The following NPR2 variants were observed in gnomAD, a reference collection of about 807,000 sequenced individuals.
NPR2 encodes natriuretic peptide receptor 2.
A neutral mutation model predicts 120.7 loss-of-function variants in NPR2; 49 were observed. That is an observed-to-expected ratio of 0.41 (90% CI 0.32 to 0.52). The LOEUF is 0.52. NPR2 is among the 20% of genes least tolerant of loss of function. The pLI is 0.36. For missense variants in NPR2, 931 were observed against 1,362.9 expected (o/e 0.68, Z 4.99); for synonymous variants, 484 against 519.8 (o/e 0.93, Z 0.94).
Position 35,792,598 on chromosome 9 carries a change from C to T in NPR2, c.190C>T (p.Leu64=), listed in dbSNP as rs1588050194. The T allele has an allele frequency of 6.8e-6, 11 of 1,613,602 alleles. 1 individual carries two copies. In the Middle Eastern group the frequency reaches 4.9e-4, roughly 73 times the overall value. Reference sequence around the variant, plus strand: ...TCTGGGCCGGGCACTGCCCGTGGACCTGCGGTTTGTCAGCTCCGAACTGGA... The same window carrying T: ...TCTGGGCCGGGCACTGCCCGTGGACTTGCGGTTTGTCAGCTCCGAACTGGA... ...EALGRALPVD[L]RFVSSELEGA... Residue 64 remains leucine, a synonymous_variant, in exon 1 of 22, where the codon CTG becomes TTG. Coordinates refer to ENST00000342694, the MANE Select transcript of NPR2 (RefSeq NM_003995.4).
rs1828332606 is a variant in NPR2, at chr9:35,805,463, T to C, written c.1888-48T>C. The C allele has an allele frequency of 6.3e-7, 1 of 1,598,062 alleles. No individual in the cohort carries two copies. The highest frequency in any genetic ancestry group is 8.6e-7 in the Non-Finnish European group (1 of 1,165,360). On this transcript the variant is annotated intron_variant, in intron 12 of 21. Coordinates refer to ENST00000342694, the MANE Select transcript of NPR2 (RefSeq NM_003995.4). This position sits in a 1 kb window ranked among gnomAD's most constrained non-coding sequence, Gnocchi z 4.9. ...TGCCCATCTCATGGAGAGAGGGTATTCTAAGCCAGATATGATCCAATCCCA... is the reference window on the plus strand; with the variant it reads ...TGCCCATCTCATGGAGAGAGGGTATCCTAAGCCAGATATGATCCAATCCCA...
chr9:35,796,924 A>G (rs925801819), intron 2 of NPR2, among the ~76,000 whole-genome samples: 3 of 152,206 alleles, frequency 2.0e-5, no homozygotes, highest in Non-Finnish European at 4.4e-5. Context: ...AAAGGTGGCA[A>G]TAGAGGAAAG....
rs1253092255 is a variant in NPR2 at position 35,805,363 on chromosome 9, T to C, written c.1888-148T>C. 1.3e-6 allele frequency: 1 copy of C among 788,668 alleles called. No homozygotes were observed. Among genetic ancestry groups the C allele is most frequent in the East Asian group, 2.5e-5 (1 of 39,372 alleles). 48.9% of individuals were successfully genotyped at this position (788,668 alleles called of 1,614,324 possible). ...CTTCTGTTCTTCCTGCTTCCTTGGG[T>C]GGAAACTGCAAAGGATGCCTTCCAA... On this transcript the variant is annotated intron_variant, in intron 12 of 21. Transcript: ENST00000342694. The surrounding 1 kb of genome is among the most constrained non-coding windows in gnomAD (Gnocchi z 4.9).
chr9:35,801,836 G>A, intron 8 of NPR2, 73 bp downstream of exon 8: 2 of 1,609,596 alleles, frequency 1.2e-6, no homozygotes, highest in Non-Finnish European at 8.5e-7. Flanking sequence ...ATCTCTCCCA[G>A]CACATTGGCT....
Position 35,808,757 on chromosome 9 carries a change from C to T in NPR2, c.2890C>T (p.Pro964Ser). Residue 964 changes from proline (P) to serine (S), a missense_variant and splice_region_variant, in exon 20 of 22, where the codon CCA becomes TCA. This residue lies in a region of NPR2 where 184 missense variants were observed against 328.3 expected (regional missense o/e 0.56). Transcript: ENST00000342694. The surrounding 1 kb of genome is among the most constrained non-coding windows in gnomAD (Gnocchi z 4.0). ...LRLRIGVHTG[P>S]VCAGVVGLKM... Reference sequence around the variant, plus strand: ...TCCCAACCTGTTTCTTCTCAAAGGGCCAGTCTGTGCTGGGGTTGTTGGCCT... The same window carrying T: ...TCCCAACCTGTTTCTTCTCAAAGGGTCAGTCTGTGCTGGGGTTGTTGGCCT... The T allele has an allele frequency of 1.2e-6, 2 of 1,612,772 alleles. No homozygotes were observed. Among genetic ancestry groups the T allele is most frequent in the Non-Finnish European group, 1.7e-6 (2 of 1,178,706 alleles).
rs770808236 is a variant in NPR2, at chr9:35,793,931, A to T, written c.701A>T (p.His234Leu). Residue 234 changes from histidine (H) to leucine (L), a missense_variant, in exon 2 of 22, where the codon CAT becomes CTT. By Grantham distance (99) the His-to-Leu change is moderately conservative. Around this residue, in one of 3 missense-constraint regions of NPR2, gnomAD observed 681 missense variants for 974.3 expected, o/e 0.70. Coordinates refer to ENST00000342694, the MANE Select transcript of NPR2 (RefSeq NM_003995.4). ...ATCTGCGGCCCTCTGGAGATGCTGC[A>T]TGAGATCCTGCTTCAGGCCCAGAGG... ...VYICGPLEML[H>L]EILLQAQREN... 1 of 1,614,190 alleles carries T rather than the reference A, an allele frequency of 6.2e-7. No individual in the cohort carries two copies. Among genetic ancestry groups the T allele is most frequent in the Admixed American group, 1.7e-5 (1 of 60,030 alleles).
chr9:35,792,027 A>T lies in NPR2; in HGVS notation c.-382A>T. 1 of 134,336 alleles carries T rather than the reference A, an allele frequency of 7.4e-6. No individual in the cohort carries two copies. Among genetic ancestry groups the T allele is most frequent in the Non-Finnish European group, 1.6e-5 (1 of 63,044 alleles). The allele number at this position is 134,336 out of a possible 1,614,324, so 8.3% of individuals were successfully genotyped here. A position where few individuals can be genotyped will look rare whatever the true frequency, so the allele number is the denominator to read the frequency against. ...AGGTTCCCCCAGGCCGTTTCTTTGT[A>T]CCACCCGCCCCCCACCCCCACCCCA... On this transcript the variant is annotated 5_prime_UTR_variant, in exon 1 of 22. Transcript: ENST00000342694.
At position 35,808,367 on chromosome 9, in the gene NPR2, C is replaced by A; in HGVS notation, c.2713-142C>A. On this transcript the variant is annotated intron_variant, in intron 18 of 21. Transcript: ENST00000342694. The surrounding 1 kb of genome is among the most constrained non-coding windows in gnomAD (Gnocchi z 4.0). ...CATCTCCTCTCCCCTAGACTCAGGACCATGGCACTTATTTTCTAGTCAATA... is the reference window on the plus strand; with the variant it reads ...CATCTCCTCTCCCCTAGACTCAGGAACATGGCACTTATTTTCTAGTCAATA... 2.1e-6 allele frequency: 3 copies of A among 1,412,748 alleles called. No homozygotes were observed. Among genetic ancestry groups the A allele is most frequent in the Non-Finnish European group, 3.0e-6 (3 of 1,001,902 alleles). 87.5% of individuals were successfully genotyped at this position (1,412,748 alleles called of 1,614,324 possible). A position where few individuals can be genotyped will look rare whatever the true frequency, so the allele number is the denominator to read the frequency against.
rs750523854 is a variant in NPR2 at position 35,792,735 on chromosome 9, C to T, written c.327C>T (p.Ala109=). Residue 109 remains alanine, a synonymous_variant, in exon 1 of 22, where the codon GCC becomes GCT. Transcript: ENST00000342694. The part of the protein sequence containing the change: ...PGCVYPAASV[A]RFASHWRLPL... ...GCGTGTACCCTGCTGCCTCTGTGGC[C>T]CGCTTTGCCTCCCACTGGCGCCTTC... 2.5e-6 allele frequency: 4 copies of T among 1,614,154 alleles called. No homozygotes were observed. Among genetic ancestry groups the T allele is most frequent in the East Asian group, 2.2e-5 (1 of 44,886 alleles).
At chr9:35,799,417 AACACACACAC>A (rs10603903) in intron 2 of NPR2, among the ~76,000 whole-genome samples, 191 bp from the exon 3 acceptor site, 1 of 147,456 alleles carries the variant, frequency 6.8e-6, no homozygotes, top group Non-Finnish European at 1.5e-5. Context: ...TATGCAACAC[AACACACACAC>A]ACACACACAC....
In NPR2 at chr9:35,793,071, G is replaced by A; in HGVS notation, c.663G>A (p.Gly221=). The change falls in exon 1 of 22, where the codon GGG becomes GGA. Residue 221 remains glycine, a synonymous_variant. Transcript: ENST00000342694. ...EQATHFIRAN[G]RIVYICGPLE... ...CCACCCACTTCATCCGGGCCAACGGGCGCAGTGAGTGTGGCCTGGGCTATT... is the reference window on the plus strand; with the variant it reads ...CCACCCACTTCATCCGGGCCAACGGACGCAGTGAGTGTGGCCTGGGCTATT... 6.3e-7 allele frequency: 1 copy of A among 1,593,912 alleles called. No individual in the cohort carries two copies.
At chr9:35,799,587 G>A (rs1251318552) in intron 2 of NPR2, 31 bp from the exon 3 acceptor site, 1 of 1,485,386 alleles carries the variant, frequency 6.7e-7, no homozygotes, top group Non-Finnish European at 9.4e-7. Flanking sequence ...CTTGAATCCT[G>A]TTCACTCTTC....
Position 35,807,069 on chromosome 9 carries a change from G to A in NPR2, c.2566G>A (p.Ala856Thr). The part of the protein sequence containing the change: ...LKRGETVQAE[A>T]FDSVTIYFSD... The stretch of plus-strand genomic sequence containing the variant: ...ACGGGGAGAGACTGTACAGGCTGAG[G>A]CCTTTGACAGTGTTACCATCTACTT... The change falls in exon 17 of 22, where the codon GCC becomes ACC. Residue 856 changes from alanine to threonine, a missense_variant. Ala to Thr is a moderately conservative substitution (Grantham distance 58). Around this residue, in one of 3 missense-constraint regions of NPR2, gnomAD observed 184 missense variants for 328.3 expected, o/e 0.56. Coordinates refer to ENST00000342694, the MANE Select transcript of NPR2 (RefSeq NM_003995.4). 1 of 1,612,592 alleles carries A rather than the reference G, an allele frequency of 6.2e-7. No individual in the cohort carries two copies. The highest frequency in any genetic ancestry group is 8.5e-7 in the Non-Finnish European group (1 of 1,179,308).
intron 2 of NPR2, among the ~76,000 whole-genome samples, chr9:35,797,178 G>T (rs1292298827): frequency 6.6e-6 from 1 of 152,176 alleles, no homozygotes; most frequent in African/African-American, 2.4e-5. Flanking sequence ...TGAATTAGGG[G>T]TGTGTTGGGG....
chr9:35,801,270 G>T, intron 7 of NPR2, 116 bp downstream of exon 7: 1 of 822,454 alleles, frequency 1.2e-6, no homozygotes, highest in Middle Eastern at 2.9e-4. Context: ...TAATTTGCTG[G>T]TTGTCTCTTA....
chr9:35,800,014 A>T lies in NPR2; in HGVS notation c.988-8A>T. On this transcript the variant is annotated splice_polypyrimidine_tract_variant and splice_region_variant and intron_variant, in intron 3 of 21. Coordinates refer to ENST00000342694, the MANE Select transcript of NPR2 (RefSeq NM_003995.4). This position sits in a 1 kb window ranked among gnomAD's most constrained non-coding sequence, Gnocchi z 4.7. ...TTTGGAGAGTACTGCTGAAGTTGCC[A>T]CCCCCAGATGAACCTCATCGCTGGC... 1.9e-6 allele frequency: 3 copies of T among 1,613,776 alleles called. No individual in the cohort carries two copies. In the South Asian group the frequency reaches 3.3e-5, roughly 18 times the overall value.
intron 8 of NPR2, 66 bp from the exon 9 acceptor site, chr9:35,801,860 C>T (rs1229611920): frequency 6.3e-7 from 1 of 1,598,668 alleles, no homozygotes; most frequent in Non-Finnish European, 8.6e-7. Flanking sequence ...AATGATAGCC[C>T]CTGCACTACC....
chr9:35,797,134 C>T (rs1827969576), intron 2 of NPR2, among the ~76,000 whole-genome samples: 1 of 152,108 alleles, frequency 6.6e-6, no homozygotes, highest in Non-Finnish European at 1.5e-5. Flanking sequence ...ATATGTCTAG[C>T]ATGTAGTAGG....
intron 18 of NPR2, 135 bp downstream of exon 18, chr9:35,807,533 TG>T: frequency 1.3e-6 from 1 of 772,858 alleles, no homozygotes; most frequent in Non-Finnish European, 2.3e-6. Context: ...ATCCTGGTGC[TG>T]GAGTGTACTT....
Sources: allele counts gnomAD v4.1 joint callset (sites outside exome capture counted in the v4.1 genomes callset), GRCh38; gene constraint gnomAD v4.1.1; regional missense constraint gnomAD v4.1.1; non-coding constraint Gnocchi (gnomAD v3.1); transcripts MANE v1.5; gene names NCBI Gene and HGNC (gene_info 2026-07-23, HGNC 2026-07-21).